MTHFD2L: variants seen among roughly 807,000 people sequenced by gnomAD.
MTHFD2L encodes the protein methylenetetrahydrofolate dehydrogenase (NADP+ dependent) 2 like, also known as bifunctional methylenetetrahydrofolate dehydrogenase/cyclohydrolase 2, mitochondrial.
MTHFD2L carries 29 observed loss-of-function variants against 34.9 expected under a neutral mutation model. The observed-to-expected ratio is 0.83, with a 90% CI of 0.62 to 1.13. MTHFD2L has a LOEUF of 1.13. MTHFD2L is among the 50% of genes most tolerant of loss of function. The pLI, the probability that MTHFD2L is intolerant of heterozygous loss-of-function variation, is 0.00. For missense variants in MTHFD2L, 481 were observed against 446.5 expected (o/e 1.08, Z -0.70); for synonymous variants, 167 against 155.7 (o/e 1.07, Z -0.54).
At chr4:74,198,418 C>G (rs557597945) in intron 3 of MTHFD2L, among the ~76,000 whole-genome samples, 1 of 152,230 alleles carries the variant, frequency 6.6e-6, no homozygotes, top group African/African-American at 2.4e-5. Context: ...CATATATTAG[C>G]CAGTTTTGAA....
At position 74,222,886 on chromosome 4, in the gene MTHFD2L, A is replaced by T. The variant is rs559513027; in HGVS notation, c.713-2416A>T. 3.9e-5 allele frequency among the ~76,000 whole-genome samples: 6 copies of T among 152,200 alleles called. No homozygotes were observed. The South Asian group carries it at 1.0e-3, about 26-fold the overall frequency. On this transcript the variant is annotated intron_variant, in intron 5 of 7. Transcript: ENST00000325278. ...TGTAGATACACAATGAGATACCATC[A>T]TCTCACACCACAGTCAGAATGACTA...
At chr4:74,143,684 T>C (rs1221437842) in intron 1 of MTHFD2L, among the ~76,000 whole-genome samples, 1 of 152,124 alleles carries the variant, frequency 6.6e-6, no homozygotes, top group South Asian at 2.1e-4. Context: ...TACTAGAACA[T>C]TGGTAAGAAA....
intron 1 of MTHFD2L, among the ~76,000 whole-genome samples, chr4:74,152,218 T>G (rs1159816144): frequency 6.6e-6 from 1 of 152,066 alleles, no homozygotes; most frequent in Non-Finnish European, 1.5e-5. Flanking sequence ...TAAAAATACC[T>G]GGGAAATTCC....
At chr4:74,120,536 G>A (rs1035015319), upstream of MTHFD2L, among the ~76,000 whole-genome samples, 2 of 152,144 alleles carry the variant, frequency 1.3e-5, no homozygotes, top group African/African-American at 4.8e-5. Flanking sequence ...CAGCTTTCTG[G>A]TTTCACTACT....
chr4:74,249,202 T>C (rs2110193948), intron 6 of MTHFD2L, among the ~76,000 whole-genome samples: 1 of 150,352 alleles, frequency 6.7e-6, no homozygotes, highest in South Asian at 2.1e-4. Flanking sequence ...TAGTTAGCTC[T>C]TCTTGTTGAA....
chr4:74,263,536 C>G (rs1008060754), intron 6 of MTHFD2L, among the ~76,000 whole-genome samples: 11 of 152,022 alleles, frequency 7.2e-5, no homozygotes, highest in Admixed American at 4.6e-4. Context: ...TTGTAGAGAT[C>G]TTTCACCTCC....
intron 6 of MTHFD2L, among the ~76,000 whole-genome samples, chr4:74,259,572 G>A (rs1744432904): frequency 6.6e-6 from 1 of 152,208 alleles, no homozygotes; most frequent in Non-Finnish European, 1.5e-5. Flanking sequence ...CAAAAACAGA[G>A]AGCCCCATAG....
chr4:74,226,613 A>G (rs969064631), intron 6 of MTHFD2L, among the ~76,000 whole-genome samples: 3 of 152,188 alleles, frequency 2.0e-5, no homozygotes, highest in African/African-American at 7.2e-5. Context: ...ACTTACAGAT[A>G]TTTGAGAGTT....
chr4:74,169,647 A>G (rs1427957671), intron 1 of MTHFD2L, among the ~76,000 whole-genome samples: 1 of 152,126 alleles, frequency 6.6e-6, no homozygotes, highest in Non-Finnish European at 1.5e-5. Context: ...GGAAAGTTTT[A>G]TTTGCTACTA....
In MTHFD2L at chr4:74,220,089, T is replaced by G. The variant is rs867233661; in HGVS notation, c.713-5213T>G. 1.7e-3 allele frequency among the ~76,000 whole-genome samples: 51 copies of G among 29,214 alleles called. 1 individual carries two copies. Among genetic ancestry groups the G allele is most frequent in the African/African-American group, 3.3e-3 (47 of 14,032 alleles). The allele number at this position is 29,214 out of a possible 152,430, so 19.2% of individuals were successfully genotyped here. A position where few individuals can be genotyped will look rare whatever the true frequency, so the allele number is the denominator to read the frequency against. On this transcript the variant is annotated intron_variant, in intron 5 of 7. Transcript: ENST00000325278. ...GGGAAGTTTCAGTTTCATTTTGGTT[T>G]TGATTTTTTTTTTTGGTAGGGATTT...
In MTHFD2L at chr4:74,281,573, T is replaced by C. The variant is rs750126254; in HGVS notation, c.931+23T>C. On this transcript the variant is annotated intron_variant, in intron 7 of 7. Transcript: ENST00000325278. ...AAGGTAATAAACCAATATCTTTTGA[T>C]AGGTGAAGAAGATAAAAAAATTCCA... 5 of 1,596,562 alleles carry C rather than the reference T, an allele frequency of 3.1e-6. No homozygotes were observed. The South Asian group carries it at 4.5e-5, about 15-fold the overall frequency.
intron 6 of MTHFD2L, among the ~76,000 whole-genome samples, chr4:74,256,229 C>T (rs1744011486): frequency 6.6e-6 from 1 of 152,098 alleles, no homozygotes; most frequent in Admixed American, 6.6e-5. Flanking sequence ...CCTCTCTTAG[C>T]CTCCTGAGTA....
At chr4:74,186,411 T>G (rs1198970311) in intron 3 of MTHFD2L, among the ~76,000 whole-genome samples, 1 of 106,004 alleles carries the variant, frequency 9.4e-6, no homozygotes, top group Non-Finnish European at 1.8e-5. Context: ...GACATGATTG[T>G]CCCATGGAAA....
chr4:74,126,291 G>A (rs1308889837), intron 1 of MTHFD2L, among the ~76,000 whole-genome samples: 1 of 152,014 alleles, frequency 6.6e-6, no homozygotes, highest in African/African-American at 2.4e-5. Context: ...GCCAAATAAA[G>A]ATCAAAATAA....
chr4:74,174,883 C>G (rs1728729905), intron 2 of MTHFD2L, among the ~76,000 whole-genome samples, 193 bp downstream of exon 2: 1 of 152,000 alleles, frequency 6.6e-6, no homozygotes, highest in Non-Finnish European at 1.5e-5. Context: ...AGGGTTAATT[C>G]AGTGTGTTTT....
chr4:74,285,469 T>TTTCCAAAA (rs1748050332), intron 7 of MTHFD2L, among the ~76,000 whole-genome samples: 1 of 152,188 alleles, frequency 6.6e-6, no homozygotes, highest in Non-Finnish European at 1.5e-5. Context: ...GTTCTCAATG[T>TTTCCAAAA]TTCCAAAATT....
intron 1 of MTHFD2L, among the ~76,000 whole-genome samples, chr4:74,139,092 A>C (rs1033599332): frequency 5.3e-5 from 8 of 152,042 alleles, no homozygotes; most frequent in Non-Finnish European, 1.5e-5. Flanking sequence ...TTTGGTGTTT[A>C]TTGGGTATGT....
chr4:74,285,379 A>G (rs1748037224), intron 7 of MTHFD2L, among the ~76,000 whole-genome samples: 2 of 152,108 alleles, frequency 1.3e-5, no homozygotes. Flanking sequence ...GCTCCTAATC[A>G]TCAGTTGTAT....
At chr4:74,282,790 A>T (rs892678357) in intron 7 of MTHFD2L, among the ~76,000 whole-genome samples, 1 of 152,028 alleles carries the variant, frequency 6.6e-6, no homozygotes, top group African/African-American at 2.4e-5. Flanking sequence ...CATGGTTGGA[A>T]CTCTATTCTA....
Sources: gnomAD v4.1 joint callset for allele counts (sites outside exome capture counted in the v4.1 genomes callset) on GRCh38, gnomAD v4.1.1 for gene constraint, MANE v1.5 for transcripts, NCBI Gene and HGNC (gene_info 2026-07-23, HGNC 2026-07-21) for gene names.